The following TSEN34 variants were observed in gnomAD, a reference collection of about 807,000 sequenced individuals.
TSEN34 encodes tRNA-splicing endonuclease subunit Sen34.
Under a neutral mutation model 30.2 loss-of-function variants are expected in TSEN34, and 25 were observed. That is an observed-to-expected ratio of 0.83 (90% confidence interval 0.60 to 1.16). TSEN34 has a LOEUF of 1.16. TSEN34 is among the 50% of genes most tolerant of loss of function. The probability of loss-of-function intolerance (pLI) is 0.00; values close to 1 mark genes in which losing one functional copy is unlikely to be tolerated. For missense variants in TSEN34, 475 were observed against 411.9 expected, an observed-to-expected ratio of 1.15 and a Z score of -1.33; for synonymous variants, 209 against 177.4, an observed-to-expected ratio of 1.18 and a Z score of -1.41.
At chr19:54,191,206 C>A (rs1191479875), upstream of TSEN34, 7 of 1,388,382 alleles carry the variant, frequency 5.0e-6, no homozygotes, top group Non-Finnish European at 6.5e-6. Flanking sequence ...GCCTGGCGCT[C>A]GGGCCCAGCA....
Position 54,193,600 on chromosome 19 carries a change from T to C in TSEN34, c.*238T>C. On this transcript the variant is annotated 3_prime_UTR_variant, in exon 4 of 4. Coordinates refer to ENST00000396388, the MANE Select transcript of TSEN34 (RefSeq NM_001077446.4). ...AGCTTCCCGAGAATGGGGCCTGGGT[T>C]TGATTCATCTGTTTTCTACAGGGTT... The C allele has an allele frequency of 3.6e-6, 5 of 1,405,298 alleles. No individual in the cohort carries two copies. The highest frequency in any genetic ancestry group is 3.9e-6 in the Non-Finnish European group (4 of 1,027,818). The allele number at this position is 1,405,298 out of a possible 1,614,324, so 87.1% of individuals were successfully genotyped here. A position where few individuals can be genotyped will look rare whatever the true frequency, so the allele number is the denominator to read the frequency against.
In TSEN34 at chr19:54,192,209, C is replaced by A; in HGVS notation, c.581C>A (p.Pro194Gln). 1 of 1,614,174 alleles carries A rather than the reference C, an allele frequency of 6.2e-7. No homozygotes were observed. The highest frequency in any genetic ancestry group is 8.5e-7 in the Non-Finnish European group (1 of 1,180,014). Residue 194 changes from proline (P) to glutamine (Q), a missense_variant, in exon 3 of 4, where the codon CCG (proline) becomes CAG (glutamine). Coordinates refer to ENST00000396388, the MANE Select transcript of TSEN34 (RefSeq NM_001077446.4). ...LVQLATARPRPVKARPLDWRV... is the reference protein window; with the variant it reads ...LVQLATARPRQVKARPLDWRV... ...CAGCTGGCCACTGCCAGGCCTCGAC[C>A]GGTCAAGGCCAGGCCCCTGGACTGG...
chr19:54,191,147 G>C, upstream of TSEN34: 1 of 1,358,612 alleles, frequency 7.4e-7, no homozygotes. Flanking sequence ...TGTCTCCGGC[G>C]TCTCGTCTCC....
At chr19:54,190,016 A>C, upstream of TSEN34, 1 of 509,404 alleles carries the variant, frequency 2.0e-6, no homozygotes, top group South Asian at 2.4e-5. Flanking sequence ...GGTTCGCCAG[A>C]CACCCATGAG....
rs538140240 is a variant in TSEN34 at position 54,191,674 on chromosome 19, C to T, written c.244-47C>T. 9.3e-6 allele frequency: 15 copies of T among 1,612,484 alleles called. No individual in the cohort carries two copies. In the South Asian group the frequency reaches 1.3e-4, roughly 14 times the overall value. On this transcript the variant is annotated intron_variant, in intron 1 of 3. Transcript: ENST00000396388. ...ACCTGGGAGTCAAGTTTCCTGGCTT[C>T]TGAAGGGACCATAAGCTTGGAGGTT...
chr19:54,190,747 C>T, upstream of TSEN34: 1 of 1,187,456 alleles, frequency 8.4e-7, no homozygotes. Flanking sequence ...CGCCCGAACG[C>T]CGAACTTCCT....
chr19:54,193,350 C>G lies in TSEN34; in HGVS notation c.921C>G (p.Ala307=), dbSNP rs17849862. 1.2e-6 allele frequency: 2 copies of G among 1,614,052 alleles called. No homozygotes were observed. The highest frequency in any genetic ancestry group is 2.7e-5 in the African/African-American group (2 of 74,906). ...TGGTCTACACCTCCCTGCAATGGGCCAGCCTGCAGTGAACTCCAGAGACCT... is the reference window on the plus strand; with the variant it reads ...TGGTCTACACCTCCCTGCAATGGGCGAGCCTGCAGTGAACTCCAGAGACCT... ...GKVVYTSLQW[A]SLQ Residue 307 remains alanine (A), a synonymous_variant, in exon 4 of 4, where the codon GCC becomes GCG. Coordinates refer to ENST00000396388, the MANE Select transcript of TSEN34 (RefSeq NM_001077446.4).
Position 54,193,233 on chromosome 19 carries a change from C to T in TSEN34, c.804C>T (p.Thr268=). The T allele has an allele frequency of 1.9e-6, 3 of 1,614,100 alleles. No homozygotes were observed. Among genetic ancestry groups the T allele is most frequent in the Non-Finnish European group, 2.5e-6 (3 of 1,180,028 alleles). The part of the protein sequence containing the change: ...YIAQCWAPED[T]IPLQDLVAAG... The stretch of plus-strand genomic sequence containing the variant: ...CTCAGTGCTGGGCCCCTGAGGACAC[C>T]ATCCCACTCCAAGACCTGGTTGCTG... The change falls in exon 4 of 4, where the codon ACC becomes ACT. Residue 268 remains threonine, a synonymous_variant. Coordinates refer to ENST00000396388, the MANE Select transcript of TSEN34 (RefSeq NM_001077446.4).
upstream of TSEN34, chr19:54,191,072 G>A (rs996385107): frequency 2.5e-5 from 32 of 1,285,240 alleles, no homozygotes; most frequent in African/African-American, 4.7e-4. Context: ...AGCGGGTGCC[G>A]ACCGCAGGGT....
upstream of TSEN34, chr19:54,190,996 C>T: frequency 9.0e-7 from 1 of 1,109,642 alleles, no homozygotes; most frequent in East Asian, 6.0e-5. Context: ...GGCGTGTCGC[C>T]GCGCTTGCGG....
Position 54,193,448 on chromosome 19 carries a change from T to A in TSEN34, c.*86T>A. The A allele has an allele frequency of 6.3e-7, 1 of 1,590,210 alleles. No homozygotes were observed. Among genetic ancestry groups the A allele is most frequent in the Admixed American group, 1.8e-5 (1 of 55,610 alleles). On this transcript the variant is annotated 3_prime_UTR_variant, in exon 4 of 4. Coordinates refer to ENST00000396388, the MANE Select transcript of TSEN34 (RefSeq NM_001077446.4). ...AGCTCTTCTCTGGGAGTCTAGAACA[T>A]CCTCCTACCTTTCTCCGCGGTTAGT...
rs2147092471 is a variant in TSEN34 at position 54,193,508 on chromosome 19, TTA to T, written c.*148_*149del. 1 of 1,543,574 alleles carries T rather than the reference TTA, an allele frequency of 6.5e-7. No individual in the cohort carries two copies. Among genetic ancestry groups the T allele is most frequent in the Non-Finnish European group, 8.7e-7 (1 of 1,145,600 alleles). On this transcript the variant is annotated 3_prime_UTR_variant, in exon 4 of 4. Coordinates refer to ENST00000396388, the MANE Select transcript of TSEN34 (RefSeq NM_001077446.4). Reference sequence around the variant, plus strand: ...CAGGTTTTCGAACACTACATCTTTTTTATGTTCTTCCTTGTTTCAAAGCACTT... The same window carrying T: ...CAGGTTTTCGAACACTACATCTTTTTTGTTCTTCCTTGTTTCAAAGCACTT...
chr19:54,192,148 G>A lies in TSEN34; in HGVS notation c.520G>A (p.Gly174Arg). 3 of 1,614,222 alleles carry A rather than the reference G, an allele frequency of 1.9e-6. No individual in the cohort carries two copies. Among genetic ancestry groups the A allele is most frequent in the Admixed American group, 3.3e-5 (2 of 60,028 alleles). ...GTCTTCCCAAGCAGGACCCTCAAAT[G>A]GGGTAGCCCCCTTGCCCAGATCTGC... ...PSSSQAGPSN[G>R]VAPLPRSALL... Residue 174 changes from glycine (G) to arginine (R), a missense_variant, in exon 3 of 4, where the codon GGG becomes AGG. Physicochemically the swap from Gly to Arg is moderately radical, Grantham distance 125. Coordinates refer to ENST00000396388, the MANE Select transcript of TSEN34 (RefSeq NM_001077446.4).
chr19:54,194,011 T>G lies in TSEN34; in HGVS notation c.*649T>G. ...GAGCCCAGGAGTTTGAGACCAGCTC[T>G]GGCAACATTGTAATACCCAGTCTCT... On this transcript the variant is annotated 3_prime_UTR_variant, in exon 4 of 4. Coordinates refer to ENST00000396388, the MANE Select transcript of TSEN34 (RefSeq NM_001077446.4). The G allele has an allele frequency of 3.5e-6, 1 of 286,862 alleles. No homozygotes were observed. Among genetic ancestry groups the G allele is most frequent in the Non-Finnish European group, 6.5e-6 (1 of 152,844 alleles). The allele number at this position is 286,862 out of a possible 1,614,324, so 17.8% of individuals were successfully genotyped here.
rs1383346533 is a variant in TSEN34 at position 54,192,494 on chromosome 19, G to T, written c.745+121G>T. ...GTGGGGTCTCTTGTTGCTTAGGCTG[G>T]TCCCTATTCCTGGGCTCAAGCAATC... On this transcript the variant is annotated intron_variant, in intron 3 of 3. Transcript: ENST00000396388. 5 of 1,359,332 alleles carry T rather than the reference G, an allele frequency of 3.7e-6. No homozygotes were observed. In the African/African-American group the frequency reaches 5.9e-5, roughly 16 times the overall value. 84.2% of individuals were successfully genotyped at this position (1,359,332 alleles called of 1,614,324 possible).
In TSEN34 at chr19:54,193,981, C is replaced by T. The variant is rs1318018088; in HGVS notation, c.*619C>T. On this transcript the variant is annotated 3_prime_UTR_variant, in exon 4 of 4. Transcript: ENST00000396388. ...CTTTTGGAGGCCAAGGCAGGGGGATCGCTTGAGCCCAGGAGTTTGAGACCA... is the reference window on the plus strand; with the variant it reads ...CTTTTGGAGGCCAAGGCAGGGGGATTGCTTGAGCCCAGGAGTTTGAGACCA... The T allele has an allele frequency of 2.0e-5, 7 of 355,908 alleles. No homozygotes were observed. Among genetic ancestry groups the T allele is most frequent in the Admixed American group, 4.3e-5 (1 of 23,028 alleles). The allele number at this position is 355,908 out of a possible 1,614,324, so 22.0% of individuals were successfully genotyped here.
chr19:54,192,252 C>G lies in TSEN34; in HGVS notation c.624C>G (p.Asp208Glu). Residue 208 changes from aspartate (D) to glutamate (E), a missense_variant, in exon 3 of 4, where the codon GAC becomes GAG. Coordinates refer to ENST00000396388, the MANE Select transcript of TSEN34 (RefSeq NM_001077446.4). ...TGGACTGGCGTGTCCAGTCTAAAGACTGGCCCCACGCCGGCCGCCCTGCCC... is the reference window on the plus strand; with the variant it reads ...TGGACTGGCGTGTCCAGTCTAAAGAGTGGCCCCACGCCGGCCGCCCTGCCC... ...RPLDWRVQSK[D>E]WPHAGRPAHE... 6.2e-7 allele frequency: 1 copy of G among 1,614,032 alleles called. No individual in the cohort carries two copies. Among genetic ancestry groups the G allele is most frequent in the Non-Finnish European group, 8.5e-7 (1 of 1,179,996 alleles).
chr19:54,194,317 C>T lies in TSEN34; in HGVS notation c.*955C>T, dbSNP rs2076816372. The stretch of plus-strand genomic sequence containing the variant: ...AGGAAGGACTCTGGAAGGCGTTCTG[C>T]TTTTTCATGGCCTGGGTAGTGGTGA... On this transcript the variant is annotated 3_prime_UTR_variant, in exon 4 of 4. Transcript: ENST00000396388. The T allele has an allele frequency of 2.2e-5, 3 of 138,476 alleles. No individual in the cohort carries two copies. Among genetic ancestry groups the T allele is most frequent in the Non-Finnish European group, 3.1e-5 (2 of 65,206 alleles). 8.6% of individuals were successfully genotyped at this position (138,476 alleles called of 1,614,324 possible). A position where few individuals can be genotyped will look rare whatever the true frequency, so the allele number is the denominator to read the frequency against.
At chr19:54,190,971 G>T (rs1270327290), upstream of TSEN34, 1 of 1,083,896 alleles carries the variant, frequency 9.2e-7, no homozygotes, top group African/African-American at 1.7e-5. Context: ...GTGCCAAAAT[G>T]GACCTTTGTA....
Sources: gnomAD v4.1 joint callset for allele counts on GRCh38, gnomAD v4.1.1 for gene constraint, MANE v1.5 for transcripts, NCBI Gene and HGNC (gene_info 2026-07-23, HGNC 2026-07-21) for gene names.